The following RGS7 variants were observed in gnomAD, a reference collection of about 807,000 sequenced individuals.
RGS7 encodes regulator of G protein signaling 7.
Under a neutral mutation model 81.1 loss-of-function variants are expected in RGS7, and 27 were observed. The ratio of observed to expected loss-of-function variants is 0.33; its 90% confidence interval spans 0.25 to 0.46. The LOEUF is 0.46. Among genes scored for constraint, RGS7 ranks in the 20% least tolerant of loss-of-function variants. RGS7 has a pLI of 1.00. For missense variants in RGS7, 396 were observed against 607.4 expected (o/e 0.65, Z 3.66); for synonymous variants, 208 against 207.7 (o/e 1.00, Z -0.01).
rs138617106 is a variant in RGS7 at position 241,010,458 on chromosome 1, G to A, written c.176-27329C>T. Among the ~76,000 whole-genome samples the A allele has an allele frequency of 7.1e-3, 1,082 of 152,316 alleles. 10 individuals are homozygous for A. Among genetic ancestry groups the A allele is most frequent in the Middle Eastern group, 0.058 (17 of 294 alleles). On this transcript the variant is annotated intron_variant, in intron 3 of 18. Transcript: ENST00000440928. ...TAAATCCACCAGGAAAAAACCCCAA[G>A]TGGATCAAGAACTCTGCTCTGTGAT...
At chr1:241,344,800 A>G (rs1265587158) in intron 2 of RGS7, among the ~76,000 whole-genome samples, 2 of 152,214 alleles carry the variant, frequency 1.3e-5, no homozygotes, top group African/African-American at 4.8e-5. Context: ...GAGTTTCAAC[A>G]TTAGCTTAGG....
intron 4 of RGS7, among the ~76,000 whole-genome samples, chr1:240,956,060 T>G (rs1680360030): frequency 6.6e-6 from 1 of 152,170 alleles, no homozygotes; most frequent in African/African-American, 2.4e-5. Context: ...AATTTAGAAT[T>G]ACCAGTATTA....
chr1:241,254,882 G>T (rs1249902555), intron 2 of RGS7, among the ~76,000 whole-genome samples: 1 of 152,152 alleles, frequency 6.6e-6, no homozygotes, highest in Non-Finnish European at 1.5e-5. Context: ...TCCTGAGGCT[G>T]ATGCCAAAAG....
chr1:241,032,350 C>A (rs2060122234), intron 3 of RGS7, among the ~76,000 whole-genome samples: 1 of 152,054 alleles, frequency 6.6e-6, no homozygotes, highest in South Asian at 2.1e-4. Context: ...ATTTTTATAC[C>A]AGTACCGTGC....
At chr1:241,022,766 G>C (rs2059603864) in intron 3 of RGS7, among the ~76,000 whole-genome samples, 1 of 152,122 alleles carries the variant, frequency 6.6e-6, no homozygotes, top group Middle Eastern at 3.2e-3. Context: ...TGACACTTAA[G>C]CTCTTCCTTT....
chr1:240,846,205 C>T (rs1461981289), intron 9 of RGS7, among the ~76,000 whole-genome samples: 2 of 152,152 alleles, frequency 1.3e-5, no homozygotes, highest in African/African-American at 4.8e-5. Context: ...TTTACCATGT[C>T]ATTCCCAGTA....
chr1:241,114,915 C>T (rs921995780), intron 2 of RGS7, among the ~76,000 whole-genome samples: 3 of 152,282 alleles, frequency 2.0e-5, no homozygotes, highest in Admixed American at 6.5e-5. Context: ...CTCTACGCTG[C>T]TGATCTTCAT....
intron 9 of RGS7, among the ~76,000 whole-genome samples, chr1:240,855,600 G>A (rs544316274): frequency 6.6e-6 from 1 of 151,626 alleles, no homozygotes; most frequent in South Asian, 2.1e-4. Flanking sequence ...TTCTCATTTT[G>A]AGTTATACAA....
chr1:241,205,512 G>A (rs1347019702), intron 2 of RGS7, among the ~76,000 whole-genome samples: 1 of 151,062 alleles, frequency 6.6e-6, no homozygotes, highest in African/African-American at 2.4e-5. Flanking sequence ...CTAGGCTGGA[G>A]TGCACTGACA....
In RGS7 at chr1:240,948,360, G is replaced by A. The variant is rs1365514139; in HGVS notation, c.227-11654C>T. On this transcript the variant is annotated intron_variant, in intron 4 of 18. Coordinates refer to ENST00000440928, the MANE Select transcript of RGS7 (RefSeq NM_001364886.1). ...ATATGAGAGCGGAAATGGATAAAAG[G>A]ATCTTACATTAGTTCATAGCACAAA... Among the ~76,000 whole-genome samples the A allele has an allele frequency of 2.6e-5, 4 of 152,142 alleles. No homozygotes were observed. The South Asian group carries it at 8.3e-4, about 32-fold the overall frequency.
At chr1:241,275,797 T>A (rs1277403047) in intron 2 of RGS7, among the ~76,000 whole-genome samples, 2 of 152,176 alleles carry the variant, frequency 1.3e-5, no homozygotes, top group African/African-American at 4.8e-5. Flanking sequence ...TATTCACTCA[T>A]CTCTAACCAT....
intron 6 of RGS7, among the ~76,000 whole-genome samples, chr1:240,910,779 G>A (rs1276286542): frequency 6.6e-6 from 1 of 152,036 alleles, no homozygotes; most frequent in Non-Finnish European, 1.5e-5. Flanking sequence ...GTGCAGTGGT[G>A]TCATCTCAGC....
intron 3 of RGS7, among the ~76,000 whole-genome samples, chr1:241,080,548 A>G (rs1473406503): frequency 1.3e-5 from 2 of 152,192 alleles, no homozygotes; most frequent in Non-Finnish European, 1.5e-5. Context: ...TAAAGTCATT[A>G]ATAATAATGG....
At chr1:241,321,193 A>T (rs545219443) in intron 2 of RGS7, among the ~76,000 whole-genome samples, 1 of 152,332 alleles carries the variant, frequency 6.6e-6, no homozygotes, top group Non-Finnish European at 1.5e-5. Flanking sequence ...CTTAAATTGT[A>T]TCATGACAGA....
chr1:241,021,430 T>C (rs1246669510), intron 3 of RGS7, among the ~76,000 whole-genome samples: 3 of 152,234 alleles, frequency 2.0e-5, no homozygotes, highest in Non-Finnish European at 4.4e-5. Context: ...ACATAACCCT[T>C]TGGCTTTGCT....
intron 3 of RGS7, among the ~76,000 whole-genome samples, chr1:241,009,241 G>A (rs1351794076): frequency 6.6e-6 from 1 of 152,180 alleles, no homozygotes; most frequent in East Asian, 1.9e-4. Flanking sequence ...TCAAATTGCT[G>A]TAACTCATAA....
chr1:241,121,402 A>C (rs1325122243), intron 2 of RGS7, among the ~76,000 whole-genome samples: 1 of 152,218 alleles, frequency 6.6e-6, no homozygotes, highest in African/African-American at 2.4e-5. Context: ...AGGTTGAGCG[A>C]TGAAAGGACA....
chr1:241,270,427 T>C (rs2077816533), intron 2 of RGS7, among the ~76,000 whole-genome samples: 1 of 152,260 alleles, frequency 6.6e-6, no homozygotes, highest in Admixed American at 6.5e-5. Flanking sequence ...GGTCATTTTG[T>C]TCCTTGCATT....
intron 3 of RGS7, among the ~76,000 whole-genome samples, chr1:241,076,238 TC>T (rs1450063761): frequency 2.6e-5 from 4 of 152,062 alleles, no homozygotes. Flanking sequence ...TCCATTTACC[TC>T]CCCATCTCTC....
Sources: allele counts gnomAD v4.1 joint callset (sites outside exome capture counted in the v4.1 genomes callset), GRCh38; gene constraint gnomAD v4.1.1; transcripts MANE v1.5; gene names NCBI Gene and HGNC (gene_info 2026-07-23, HGNC 2026-07-21).